Variants in SYNJ2 observed in about 807,000 individuals in gnomAD.
SYNJ2 encodes the protein polyphosphatidylinositol phosphatase SYNJ2.
In SYNJ2, 116 loss-of-function variants were observed where a neutral mutation model predicts 141.3. The ratio of observed to expected loss-of-function variants is 0.82; its 90% CI spans 0.71 to 0.96. SYNJ2 has a LOEUF of 0.96. Among genes scored for constraint, SYNJ2 ranks in the 40% least tolerant of loss-of-function variants. The pLI, the probability that SYNJ2 is intolerant of heterozygous loss-of-function variation, is 0.00. For missense variants in SYNJ2, 1,873 were observed against 1,934.8 expected, an observed-to-expected ratio of 0.97 and a Z score of 0.60; for synonymous variants, 745 against 777.7, an observed-to-expected ratio of 0.96 and a Z score of 0.70.
chr6:158,069,658 A>G lies in SYNJ2; in HGVS notation c.1925A>G (p.His642Arg). Residue 642 changes from histidine (H) to arginine (R), a missense_variant, in exon 14 of 27, where the codon CAT becomes CGT. By Grantham distance (29) the His-to-Arg change is conservative. Coordinates refer to ENST00000355585, the MANE Select transcript of SYNJ2 (RefSeq NM_003898.4). The stretch of plus-strand genomic sequence containing the variant: ...CTTTATATCTTTGTACGTCCATACC[A>G]TGTCCCGTTCATCAGGTAAGAACAT... The part of the protein sequence containing the change: ...VCLYIFVRPY[H>R]VPFIRDVAID... The G allele has an allele frequency of 6.2e-7, 1 of 1,612,734 alleles. No homozygotes were observed. Among genetic ancestry groups the G allele is most frequent in the Non-Finnish European group, 8.5e-7 (1 of 1,179,070 alleles).
At chr6:158,011,293 G>A (rs1022176550) in intron 1 of SYNJ2, among the ~76,000 whole-genome samples, 1 of 152,164 alleles carries the variant, frequency 6.6e-6, no homozygotes, top group Non-Finnish European at 1.5e-5. Flanking sequence ...TATCAGAGGA[G>A]CCCTGCTGAT....
At chr6:157,989,972 G>A (rs1298526230) in intron 1 of SYNJ2, among the ~76,000 whole-genome samples, 2 of 152,212 alleles carry the variant, frequency 1.3e-5, no homozygotes, top group African/African-American at 4.8e-5. Flanking sequence ...GGGGGGCACT[G>A]GGCAGGAGCC....
Position 158,081,089 on chromosome 6 carries a change from C to A in SYNJ2, c.2568-20C>A. 1 of 1,612,098 alleles carries A rather than the reference C, an allele frequency of 6.2e-7. No homozygotes were observed. Among genetic ancestry groups the A allele is most frequent in the South Asian group, 1.1e-5 (1 of 90,966 alleles). On this transcript the variant is annotated intron_variant, in intron 18 of 26. Coordinates refer to ENST00000355585, the MANE Select transcript of SYNJ2 (RefSeq NM_003898.4). ...ATCTGTCCCAGGCTAACTGTCATCC[C>A]TCTTTTGTTCCTAACGCAGACCTGT...
At chr6:158,034,324 G>A (rs576279450) in intron 4 of SYNJ2, among the ~76,000 whole-genome samples, 1 of 152,330 alleles carries the variant, frequency 6.6e-6, no homozygotes, top group Admixed American at 6.5e-5. Flanking sequence ...ATACAGTGGT[G>A]TAAGCCATAA....
intron 1 of SYNJ2, among the ~76,000 whole-genome samples, chr6:157,988,551 G>A (rs1777294376): frequency 6.6e-6 from 1 of 152,194 alleles, no homozygotes; most frequent in Admixed American, 6.5e-5. Context: ...TCTCTGCTGT[G>A]TCTCTCTTCT....
chr6:158,096,137 C>G lies in SYNJ2; in HGVS notation c.4264C>G (p.Pro1422Ala), dbSNP rs1207646892. 6.2e-7 allele frequency: 1 copy of G among 1,614,116 alleles called. No homozygotes were observed. Residue 1422 changes from proline (P) to alanine (A), a missense_variant, in exon 27 of 27, where the codon CCT becomes GCT. Physicochemically the swap from Pro to Ala is conservative, Grantham distance 27. Transcript: ENST00000355585. ...CCCCTTCTGGAACCTTCTTCACCACCCTAAACTGTTGAATAACACTTGGCT... is the reference window on the plus strand; with the variant it reads ...CCCCTTCTGGAACCTTCTTCACCACGCTAAACTGTTGAATAACACTTGGCT... Reference protein sequence around the residue: ...QDPFWNLLHHPKLLNNTWLSK... With the variant: ...QDPFWNLLHHAKLLNNTWLSK...
intron 21 of SYNJ2, 121 bp downstream of exon 21, chr6:158,083,718 C>T (rs1238071647): frequency 7.6e-7 from 1 of 1,315,026 alleles, no homozygotes; most frequent in Non-Finnish European, 1.1e-6. Context: ...AGGGCAAGCC[C>T]TCTGTCCCAT....
chr6:157,983,239 G>A (rs1414874435), intron 1 of SYNJ2, among the ~76,000 whole-genome samples: 1 of 152,204 alleles, frequency 6.6e-6, no homozygotes, highest in South Asian at 2.1e-4. Flanking sequence ...TCATTAACAT[G>A]CATTTATCCA....
At chr6:158,053,706 CATCCACCCATCCAGCCATCCAGCCATCA>C (rs1780695324) in intron 5 of SYNJ2, among the ~76,000 whole-genome samples, 1 of 151,482 alleles carries the variant, frequency 6.6e-6, no homozygotes, top group Admixed American at 6.6e-5. Flanking sequence ...TCCATCCAGT[CATCCACCCATCCAGCCATCCAGCCATCA>C]ATCCACCCAG....
Position 158,061,984 on chromosome 6 carries a change from CTT to C in SYNJ2, c.955-5_955-4del. ...GCTCCCCTCACCGCCCTCCCCTCCT[CTT>C]TTCAGAAGCTGCTCTGGGCTTCTTG... On this transcript the variant is annotated splice_polypyrimidine_tract_variant and splice_region_variant and intron_variant, in intron 7 of 26. Transcript: ENST00000355585. 1.1e-5 allele frequency: 17 copies of C among 1,613,318 alleles called. 1 individual carries two copies. In the Middle Eastern group the frequency reaches 2.7e-3, roughly 255 times the overall value.
At position 158,048,721 on chromosome 6, in the gene SYNJ2, G is replaced by C. The variant is rs568839543; in HGVS notation, c.795+5322G>C. 2.6e-5 allele frequency among the ~76,000 whole-genome samples: 4 copies of C among 152,300 alleles called. No individual in the cohort carries two copies. In the East Asian group the frequency reaches 5.8e-4, roughly 22 times the overall value. ...TGGCAAGCCAGTTTTATTGGGGTCA[G>C]ACTGGGTGCAGGGAGCTTTGGTTTG... On this transcript the variant is annotated intron_variant, in intron 5 of 26. Coordinates refer to ENST00000355585, the MANE Select transcript of SYNJ2 (RefSeq NM_003898.4).
chr6:158,074,581 G>A lies in SYNJ2; in HGVS notation c.2135G>A (p.Gly712Glu), dbSNP rs140940655. The stretch of plus-strand genomic sequence containing the variant: ...ATTATGATTTTCTTTTCAACTTAGG[G>A]GAGAAATGTTTTTTCTCATGATTAT... Reference protein sequence around the residue: ...EITQKLCFPMGRNVFSHDYVF... With the variant: ...EITQKLCFPMERNVFSHDYVF... The change falls in exon 16 of 27, where the codon GGG becomes GAG. Residue 712 changes from glycine to glutamate, a missense_variant and splice_region_variant. Transcript: ENST00000355585. The A allele has an allele frequency of 9.9e-4, 1,601 of 1,611,062 alleles. 3 individuals carry two copies. Among genetic ancestry groups the A allele is most frequent in the Non-Finnish European group, 1.3e-3 (1,550 of 1,178,926 alleles).
intron 1 of SYNJ2, among the ~76,000 whole-genome samples, chr6:158,013,991 C>T (rs372162753): frequency 1.3e-5 from 2 of 152,174 alleles, no homozygotes; most frequent in Admixed American, 6.5e-5. Flanking sequence ...TCCTGACTTA[C>T]GATGGTTCCT....
At chr6:158,049,716 C>A (rs898204665) in intron 5 of SYNJ2, among the ~76,000 whole-genome samples, 34 of 152,216 alleles carry the variant, frequency 2.2e-4, no homozygotes, top group African/African-American at 7.5e-4. Context: ...ATGGACATGC[C>A]TCTGCTGGTA....
intron 15 of SYNJ2, among the ~76,000 whole-genome samples, chr6:158,073,283 C>T (rs929331120): frequency 4.6e-5 from 7 of 151,998 alleles, no homozygotes; most frequent in Non-Finnish European, 5.9e-5. Context: ...CTGCAAACTC[C>T]ACCTCCCAGG....
intron 2 of SYNJ2, among the ~76,000 whole-genome samples, chr6:158,019,963 T>G (rs1385218991): frequency 1.3e-5 from 2 of 152,272 alleles, no homozygotes; most frequent in Non-Finnish European, 2.9e-5. Flanking sequence ...AACTGTGATC[T>G]ATTTTCTTTT....
At chr6:158,058,953 G>A (rs1424701984) in intron 6 of SYNJ2, among the ~76,000 whole-genome samples, 3 of 152,230 alleles carry the variant, frequency 2.0e-5, no homozygotes, top group African/African-American at 7.2e-5. Flanking sequence ...TTCTCTTGAT[G>A]AAAGTTCAGG....
intron 6 of SYNJ2, among the ~76,000 whole-genome samples, chr6:158,058,295 C>G (rs926291453): frequency 2.0e-5 from 3 of 152,162 alleles, no homozygotes; most frequent in Non-Finnish European, 4.4e-5. Context: ...TGCATTGTAT[C>G]ATTTCCCTAT....
At chr6:158,075,406 C>T (rs562290471) in intron 16 of SYNJ2, among the ~76,000 whole-genome samples, 82 of 151,538 alleles carry the variant, frequency 5.4e-4, no homozygotes, top group African/African-American at 1.9e-3. Context: ...TTTGGGAGGC[C>T]GAGGCGTGCG....
Sources: allele counts gnomAD v4.1 joint callset (sites outside exome capture counted in the v4.1 genomes callset), GRCh38; gene constraint gnomAD v4.1.1; transcripts MANE v1.5; gene names NCBI Gene and HGNC (gene_info 2026-07-23, HGNC 2026-07-21).